Variants in CSNK2A2IP observed in about 807,000 individuals in gnomAD.
CSNK2A2IP encodes the protein casein kinase II subunit alpha'-interacting protein.
chr3:88,411,456 A>G, the CSNK2A2IP span, among the ~76,000 whole-genome samples: 3 of 151,806 alleles, frequency 2.0e-5, no homozygotes, highest in African/African-American at 7.3e-5. Context: ...TACATAATGA[A>G]TAAGATCTTA....
the CSNK2A2IP span, among the ~76,000 whole-genome samples, chr3:88,459,946 G>A: frequency 2.0e-5 from 3 of 151,874 alleles, no homozygotes; most frequent in African/African-American, 7.3e-5. Context: ...GAATTTCTGC[G>A]AATGAACTAA....
chr3:88,456,430 T>G, the CSNK2A2IP span, among the ~76,000 whole-genome samples: 1 of 152,104 alleles, frequency 6.6e-6, no homozygotes, highest in Admixed American at 6.5e-5. Context: ...ATTTTTTTTG[T>G]AAGTATTTTA....
At chr3:88,360,514 A>C in the CSNK2A2IP span, among the ~76,000 whole-genome samples, 3 of 152,020 alleles carry the variant, frequency 2.0e-5, no homozygotes, top group South Asian at 6.2e-4. Context: ...ATTTGCATAG[A>C]ACATCTTTTT....
At chr3:88,353,104 G>A in the CSNK2A2IP span, among the ~76,000 whole-genome samples, 11 of 152,066 alleles carry the variant, frequency 7.2e-5, no homozygotes, top group Non-Finnish European at 1.5e-4. Flanking sequence ...ACTGCTTTGC[G>A]TATCATACTT....
chr3:88,341,615 G>GAA, the CSNK2A2IP span, among the ~76,000 whole-genome samples: 1,370 of 150,486 alleles, frequency 9.1e-3, 16 homozygotes, highest in African/African-American at 0.032. Context: ...ATTCCCACAG[G>GAA]AAAAAAAAAC....
chr3:88,401,264 C>G, the CSNK2A2IP span, among the ~76,000 whole-genome samples: 1 of 152,020 alleles, frequency 6.6e-6, no homozygotes. Flanking sequence ...GATAATTTCA[C>G]AAGATCTTAT....
the CSNK2A2IP span, among the ~76,000 whole-genome samples, chr3:88,452,206 C>T: frequency 6.6e-6 from 1 of 150,428 alleles, no homozygotes; most frequent in Non-Finnish European, 1.5e-5. Flanking sequence ...TCCTCTGCAT[C>T]CTATGCCCCT....
At chr3:88,398,483 T>A in the CSNK2A2IP span, among the ~76,000 whole-genome samples, 1 of 152,168 alleles carries the variant, frequency 6.6e-6, no homozygotes, top group Non-Finnish European at 1.5e-5. Flanking sequence ...ACACACCAGT[T>A]AGATAAATTA....
At chr3:88,466,846 C>A in the CSNK2A2IP span, 1 of 1,045,098 alleles carries the variant, frequency 9.6e-7, no homozygotes, top group Non-Finnish European at 1.2e-6. Flanking sequence ...GAAAAATCCT[C>A]ATTGTGCAAC....
the CSNK2A2IP span, among the ~76,000 whole-genome samples, chr3:88,421,019 G>A: frequency 6.6e-6 from 1 of 152,024 alleles, no homozygotes; most frequent in Non-Finnish European, 1.5e-5. Flanking sequence ...ATTCATGCAG[G>A]ATATATTTAG....
At chr3:88,461,034 C>T in the CSNK2A2IP span, among the ~76,000 whole-genome samples, 7 of 151,650 alleles carry the variant, frequency 4.6e-5, no homozygotes, top group Non-Finnish European at 1.0e-4. Flanking sequence ...TTGCAGTGAG[C>T]CAAGATTGCA....
the CSNK2A2IP span, among the ~76,000 whole-genome samples, chr3:88,405,851 G>A: frequency 4.9e-4 from 74 of 152,178 alleles, no homozygotes; most frequent in African/African-American, 1.3e-3. Flanking sequence ...CCATTAGGGA[G>A]CTTGCAGAAC....
chr3:88,399,432 C>G, the CSNK2A2IP span, among the ~76,000 whole-genome samples: 1 of 152,202 alleles, frequency 6.6e-6, no homozygotes, highest in African/African-American at 2.4e-5. Flanking sequence ...CTCACTCACT[C>G]TGCTCCTGCA....
chr3:88,350,750 GA>G, the CSNK2A2IP span, among the ~76,000 whole-genome samples: 4 of 152,084 alleles, frequency 2.6e-5, no homozygotes, highest in Non-Finnish European at 5.9e-5. Flanking sequence ...GGCACTGAGT[GA>G]AAAGGTAAAG....
At chr3:88,372,448 G>T in the CSNK2A2IP span, among the ~76,000 whole-genome samples, 1 of 151,364 alleles carries the variant, frequency 6.6e-6, no homozygotes, top group African/African-American at 2.4e-5. Context: ...TTAAAGATTA[G>T]TGTTAATATC....
At chr3:88,466,925 T>A in the CSNK2A2IP span, 1 of 1,231,382 alleles carries the variant, frequency 8.1e-7, no homozygotes. Flanking sequence ...GTTCTTATCC[T>A]TTCTCTACCA....
the CSNK2A2IP span, among the ~76,000 whole-genome samples, chr3:88,459,654 T>C: frequency 6.6e-6 from 1 of 152,138 alleles, no homozygotes; most frequent in Non-Finnish European, 1.5e-5. Context: ...TGGGACTAGC[T>C]CACATTTAAC....
chr3:88,428,028 G>A, the CSNK2A2IP span, among the ~76,000 whole-genome samples: 1 of 152,160 alleles, frequency 6.6e-6, no homozygotes, highest in Non-Finnish European at 1.5e-5. Context: ...CAGCCAGAAG[G>A]GGGGCTGTGG....
the CSNK2A2IP span, among the ~76,000 whole-genome samples, chr3:88,339,263 G>A: frequency 8.1e-6 from 1 of 123,824 alleles, no homozygotes; most frequent in Non-Finnish European, 2.0e-5. Context: ...ATCTTCATGA[G>A]TTCATTTTTT....
Sources: allele counts gnomAD v4.1 joint callset (sites outside exome capture counted in the v4.1 genomes callset), GRCh38; gene constraint gnomAD v4.1.1; transcripts MANE v1.5; gene names NCBI Gene and HGNC (gene_info 2026-07-23, HGNC 2026-07-21).